The following ALDH3B2 variants were observed in gnomAD, a reference collection of about 807,000 sequenced individuals.
The protein encoded by ALDH3B2 is aldehyde dehydrogenase family 3 member B2.
A neutral mutation model predicts 36.7 loss-of-function variants in ALDH3B2; 45 were observed. That is an observed-to-expected ratio of 1.23 (90% CI 0.97 to 1.57). ALDH3B2 has a LOEUF of 1.57. Among genes scored for constraint, ALDH3B2 ranks in the 40% most tolerant of loss-of-function variants. The probability of loss-of-function intolerance (pLI) is 0.00; values close to 1 mark genes in which losing one functional copy is unlikely to be tolerated. For synonymous variants in ALDH3B2, 217 were observed against 226.5 expected, an observed-to-expected ratio of 0.96 and a Z score of 0.38; for missense variants, 464 against 513.3, an observed-to-expected ratio of 0.90 and a Z score of 0.93.
chr11:67,671,467 A>G (rs1326489029), intron 1 of ALDH3B2: 3 of 151,976 alleles, frequency 2.0e-5, no homozygotes, highest in African/African-American at 4.8e-5. Context: ...GTGAAAGGAA[A>G]ATATCTTGGA....
upstream of ALDH3B2, among the ~76,000 whole-genome samples, chr11:67,677,486 C>A (rs868232557): frequency 6.6e-6 from 1 of 152,180 alleles, no homozygotes; most frequent in East Asian, 1.9e-4. Context: ...GACAAAACCA[C>A]AGCCAACATA....
exon 6 of ALDH3B2, chr11:67,666,136 T>G (rs1345186137): frequency 6.2e-7 from 1 of 1,613,942 alleles, no homozygotes; most frequent in African/African-American, 1.3e-5. Flanking sequence ...GAAGAAGATG[T>G]AGTCCAACTT....
intron 1 of ALDH3B2, among the ~76,000 whole-genome samples, chr11:67,672,934 T>TTTTC (rs1856170800): frequency 5.3e-5 from 7 of 131,878 alleles, no homozygotes; most frequent in Admixed American, 4.6e-4. Flanking sequence ...TTTTCTTTTC[T>TTTTC]TTTTTTTTTT....
chr11:67,665,771 G>A, intron 6 of ALDH3B2, 100 bp from the exon 7 acceptor site: 1 of 1,496,756 alleles, frequency 6.7e-7, no homozygotes, highest in Non-Finnish European at 8.9e-7. Context: ...GTTGGAGTCG[G>A]CGGGCTTCCT....
At chr11:67,669,688 GTGTC>G (rs1320060339) in intron 1 of ALDH3B2, among the ~76,000 whole-genome samples, 3 of 150,702 alleles carry the variant, frequency 2.0e-5, no homozygotes, top group African/African-American at 7.3e-5. Flanking sequence ...ATGTGTATGG[GTGTC>G]TGTGTGTGTA....
rs542777856 is a variant in ALDH3B2, at chr11:67,664,086, C to T, written c.873+310G>A. On this transcript the variant is annotated intron_variant, in intron 8 of 9. Transcript: ENST00000349015. ...CGCGACCCGCTGGGCTCTATCAGGC[C>T]CCTGCTCTGCTCTGTCCCTGACCTC... is the stretch of plus-strand genomic sequence containing the variant. 25 of 558,076 alleles carry T rather than the reference C, an allele frequency of 4.5e-5. No homozygotes were observed. The African/African-American group carries it at 4.5e-4, about 10-fold the overall frequency. The allele number at this position is 558,076 out of a possible 1,614,324, so 34.6% of individuals were successfully genotyped here.
intron 4 of ALDH3B2, 53 bp from the exon 5 acceptor site, chr11:67,666,454 A>G: frequency 1.2e-6 from 2 of 1,602,648 alleles, no homozygotes; most frequent in East Asian, 2.2e-5. Flanking sequence ...CCCATGCCCA[A>G]CCAGGGGCTG....
chr11:67,664,429 G>A, exon 8 of ALDH3B2: 1 of 1,614,168 alleles, frequency 6.2e-7, no homozygotes, highest in East Asian at 2.2e-5. Flanking sequence ...ACAGGGCCAG[G>A]GGCTTCTCCT....
intron 1 of ALDH3B2, among the ~76,000 whole-genome samples, chr11:67,668,626 CTA>C (rs201969802): frequency 0.015 from 2,260 of 150,756 alleles, 60 homozygotes; most frequent in African/African-American, 0.052. Context: ...CTTTGTGTGT[CTA>C]TGTGTGTGTG....
exon 3 of ALDH3B2, chr11:67,666,923 G>A: frequency 1.2e-6 from 2 of 1,614,188 alleles, no homozygotes; most frequent in Non-Finnish European, 1.7e-6. Context: ...GTGGACCGTG[G>A]TTCATCCTTC....
chr11:67,664,535 T>A lies in ALDH3B2; in HGVS notation c.734A>T (p.Glu245Val), dbSNP rs199918120. ...CTCCTCCTGCATCACAGGCTCCGTC[T>A]CCTGCACGTCCACCAGCACCGTGGG... Residue 245 changes from glutamate (E) to valine (V), a missense_variant, in exon 8 of 10, where the codon GAG (glutamate) becomes GTG (valine). By Grantham distance (121) the Glu-to-Val change is moderately radical (BLOSUM62 -2). Transcript: ENST00000349015. 5.0e-6 allele frequency: 8 copies of A among 1,613,542 alleles called. No homozygotes were observed. In the Admixed American group the frequency reaches 1.3e-4, roughly 27 times the overall value.
At chr11:67,672,199 G>A (rs1322201673) in intron 1 of ALDH3B2, among the ~76,000 whole-genome samples, 1 of 144,630 alleles carries the variant, frequency 6.9e-6, no homozygotes, top group Non-Finnish European at 1.5e-5. Flanking sequence ...CCAGGCCAGA[G>A]TGCAGTGGTG....
At chr11:67,665,553 G>T (rs73492529) in exon 7 of ALDH3B2, 1 of 1,614,124 alleles carries the variant, frequency 6.2e-7, no homozygotes, top group South Asian at 1.1e-5. Flanking sequence ...GGTTGGCCAC[G>T]GTCTGGGGGT....
At chr11:67,663,675 T>C (rs1226136499) in exon 9 of ALDH3B2, 1 of 1,610,434 alleles carries the variant, frequency 6.2e-7, no homozygotes, top group African/African-American at 1.3e-5. Context: ...CTCCCCCGAA[T>C]GGCACGGACA....
At chr11:67,675,183 A>G (rs1856240719), upstream of ALDH3B2, among the ~76,000 whole-genome samples, 1 of 152,192 alleles carries the variant, frequency 6.6e-6, no homozygotes, top group Non-Finnish European at 1.5e-5. Context: ...CTGTAGCTCT[A>G]GGATGGCGCA....
chr11:67,669,717 C>T lies in ALDH3B2; in HGVS notation c.-244-2082G>A, dbSNP rs796157845. ...CTGTGTGTGTATGGGTGTCTGTGTG[C>T]GTATGGGTGTCTGTGTGTGTATGGG... On this transcript the variant is annotated intron_variant, in intron 1 of 9. Coordinates refer to ENST00000349015, the Ensembl canonical transcript of ALDH3B2. Among the ~76,000 whole-genome samples, 492 of 63,934 alleles carry T rather than the reference C, an allele frequency of 7.7e-3. 4 individuals carry two copies. The highest frequency in any genetic ancestry group is 8.6e-3 in the Admixed American group (49 of 5,706). The allele number at this position is 63,934 out of a possible 152,430, so 41.9% of individuals were successfully genotyped here.
intron 1 of ALDH3B2, among the ~76,000 whole-genome samples, chr11:67,680,627 G>T (rs1856353204): frequency 6.6e-6 from 1 of 152,042 alleles, no homozygotes; most frequent in Non-Finnish European, 1.5e-5. Context: ...ATGTTGCCAA[G>T]GCTGGTCTCA....
chr11:67,680,905 G>A (rs545398940), intron 1 of ALDH3B2, among the ~76,000 whole-genome samples: 2 of 152,300 alleles, frequency 1.3e-5, no homozygotes, highest in Admixed American at 6.5e-5. Flanking sequence ...CCCAGGGACT[G>A]TTGTGGAAGA....
At chr11:67,671,547 C>CT (rs1856113566) in intron 1 of ALDH3B2, among the ~76,000 whole-genome samples, 1 of 97,660 alleles carries the variant, frequency 1.0e-5, no homozygotes, top group Non-Finnish European at 2.3e-5. Flanking sequence ...GCCTCCCCCC[C>CT]CTTTTTTTTT....
Sources: allele counts gnomAD v4.1 joint callset (sites outside exome capture counted in the v4.1 genomes callset), GRCh38; gene constraint gnomAD v4.1.1; transcripts MANE v1.5; gene names NCBI Gene and HGNC (gene_info 2026-07-23, HGNC 2026-07-21).